The following SIM1 variants were observed in gnomAD, a reference collection of about 807,000 sequenced individuals.
The protein encoded by SIM1 is SIM bHLH transcription factor 1, also known as single-minded homolog 1.
A neutral mutation model predicts 78.2 loss-of-function variants in SIM1; 18 were observed. The observed-to-expected ratio is 0.23, with a 90% CI of 0.16 to 0.34. The LOEUF is 0.34. Ranked by LOEUF, SIM1 falls within the 10% of genes least tolerant of loss-of-function variation. SIM1 has a pLI of 1.00. For missense variants in SIM1, 939 were observed against 975.1 expected (o/e 0.96, Z 0.49); for synonymous variants, 417 against 385.2 (o/e 1.08, Z -0.97).
At chr6:100,452,564 A>AAG (rs887965435) in intron 3 of SIM1, among the ~76,000 whole-genome samples, 1 of 152,216 alleles carries the variant, frequency 6.6e-6, no homozygotes, top group African/African-American at 2.4e-5. Context: ...GGGCCATTGA[A>AAG]ATTGGGAATG....
intron 9 of SIM1, among the ~76,000 whole-genome samples, chr6:100,446,145 T>C (rs1287242523): frequency 6.6e-6 from 1 of 152,232 alleles, no homozygotes; most frequent in East Asian, 1.9e-4. Flanking sequence ...TAAATTTTTT[T>C]ATTAAACAAG....
At chr6:100,411,472 G>C (rs4145404) in intron 10 of SIM1, among the ~76,000 whole-genome samples, 4 of 152,048 alleles carry the variant, frequency 2.6e-5, no homozygotes, top group Non-Finnish European at 5.9e-5. Flanking sequence ...TGTGGCATTT[G>C]TCAGACCATC....
intron 10 of SIM1, among the ~76,000 whole-genome samples, chr6:100,412,595 GAAAGAAAGAAAGAAAGGAAAGAAA>G (rs1771233414): frequency 1.1e-5 from 1 of 89,258 alleles, no homozygotes; most frequent in African/African-American, 4.0e-5. Flanking sequence ...AAGAAAGAAA[GAAAGAAAGAAAGAAAGGAAAGAAA>G]GAAGGAAAGA....
intron 10 of SIM1, among the ~76,000 whole-genome samples, chr6:100,412,595 GAAAGAAAGAAAGA>G (rs1771233357): frequency 1.1e-5 from 1 of 89,258 alleles, no homozygotes; most frequent in Non-Finnish European, 2.4e-5. Context: ...AAGAAAGAAA[GAAAGAAAGAAAGA>G]AAGGAAAGAA....
chr6:100,443,617 T>C (rs934822488), intron 9 of SIM1, among the ~76,000 whole-genome samples: 2 of 152,084 alleles, frequency 1.3e-5, no homozygotes, highest in African/African-American at 2.4e-5. Context: ...TAGTGGCAGA[T>C]TGTTTTTAAC....
chr6:100,407,224 C>T (rs1771073547), intron 10 of SIM1, among the ~76,000 whole-genome samples: 1 of 151,924 alleles, frequency 6.6e-6, no homozygotes, highest in Non-Finnish European at 1.5e-5. Context: ...TGAAATCATA[C>T]AGTATTCGTC....
chr6:100,405,507 T>C lies in SIM1; in HGVS notation c.1168-11618A>G, dbSNP rs147872003. ...TATTTATTCACAAGATTTCCCCCCA[T>C]TATTTTATAATTTGATTCATTTATA... On this transcript the variant is annotated intron_variant, in intron 10 of 11. Transcript: ENST00000369208. 2.4e-3 allele frequency among the ~76,000 whole-genome samples: 361 copies of C among 152,226 alleles called. 2 individuals carry two copies. Among genetic ancestry groups the C allele is most frequent in the Non-Finnish European group, 3.5e-3 (235 of 67,990 alleles).
At chr6:100,438,328 G>A (rs1297956065) in intron 9 of SIM1, among the ~76,000 whole-genome samples, 2 of 152,180 alleles carry the variant, frequency 1.3e-5, no homozygotes, top group Admixed American at 6.5e-5. Context: ...CTCAAAAGAA[G>A]ATATACAAAC....
chr6:100,433,179 A>AT (rs1379740614), intron 9 of SIM1, among the ~76,000 whole-genome samples: 2 of 152,154 alleles, frequency 1.3e-5, no homozygotes, highest in Non-Finnish European at 2.9e-5. Flanking sequence ...ATCTTTTCTT[A>AT]TACAATCAGA....
intron 10 of SIM1, among the ~76,000 whole-genome samples, chr6:100,404,269 C>G (rs1485707057): frequency 6.6e-6 from 1 of 152,202 alleles, no homozygotes; most frequent in African/African-American, 2.4e-5. Flanking sequence ...TGGCAGCAAC[C>G]ACCCAGCCCA....
chr6:100,412,649 GAAAGAA>G (rs1771251164), intron 10 of SIM1, among the ~76,000 whole-genome samples: 1 of 103,814 alleles, frequency 9.6e-6, no homozygotes, highest in African/African-American at 3.6e-5. Context: ...AAGAAAGAAA[GAAAGAA>G]AGAGAGAGAG....
Position 100,447,459 on chromosome 6 carries a change from T to A in SIM1, c.851-44A>T, listed in dbSNP as rs1357723130. ...GCAGATGGTGGTGAACCAGCCTGCC[T>A]GGGACTGGCCCCAAATGCAATCCCT... On this transcript the variant is annotated intron_variant, in intron 8 of 11. Coordinates refer to ENST00000369208, the MANE Select transcript of SIM1 (RefSeq NM_005068.3). 7.4e-6 allele frequency: 12 copies of A among 1,612,238 alleles called. No homozygotes were observed. The East Asian group carries it at 2.7e-4, about 36-fold the overall frequency.
rs1393145588 is a variant in SIM1 at position 100,386,878 on chromosome 6, T to C, written c.*3483A>G. 6.6e-6 allele frequency: 1 copy of C among 152,100 alleles called. No homozygotes were observed. Among genetic ancestry groups the C allele is most frequent in the Non-Finnish European group, 1.5e-5 (1 of 67,946 alleles). The allele number at this position is 152,100 out of a possible 1,614,324, so 9.4% of individuals were successfully genotyped here. A position where few individuals can be genotyped will look rare whatever the true frequency, so the allele number is the denominator to read the frequency against. On this transcript the variant is annotated 3_prime_UTR_variant, in exon 12 of 12. Coordinates refer to ENST00000369208, the MANE Select transcript of SIM1 (RefSeq NM_005068.3). ...ACAGTTTAGGTAAGCGAGCACAATA[T>C]GACAAAAGACTTGTGGACCGAAGCA... is the stretch of plus-strand genomic sequence containing the variant.
At chr6:100,459,049 T>A (rs1015319951) in intron 2 of SIM1, among the ~76,000 whole-genome samples, 6 of 152,172 alleles carry the variant, frequency 3.9e-5, no homozygotes, top group Non-Finnish European at 7.4e-5. Context: ...TCATTCTGTG[T>A]CCACATTTGG....
rs989388440 is a variant in SIM1 at position 100,388,053 on chromosome 6, C to A, written c.*2308G>T. 1 of 152,098 alleles carries A rather than the reference C, an allele frequency of 6.6e-6. No homozygotes were observed. The highest frequency in any genetic ancestry group is 1.5e-5 in the Non-Finnish European group (1 of 67,998). The allele number at this position is 152,098 out of a possible 1,614,324, so 9.4% of individuals were successfully genotyped here. A position where few individuals can be genotyped will look rare whatever the true frequency, so the allele number is the denominator to read the frequency against. ...TACAAAACCTTTAGCATTCTTAAGA[C>A]ATTACTTCATGTTGCAAATTGATCA... On this transcript the variant is annotated 3_prime_UTR_variant, in exon 12 of 12. Coordinates refer to ENST00000369208, the MANE Select transcript of SIM1 (RefSeq NM_005068.3).
At chr6:100,413,091 G>A (rs180814706) in intron 10 of SIM1, among the ~76,000 whole-genome samples, 4 of 152,288 alleles carry the variant, frequency 2.6e-5, no homozygotes, top group African/African-American at 9.6e-5. Context: ...CACCACCACA[G>A]ATACCACACT....
chr6:100,406,281 G>A (rs1771048720), intron 10 of SIM1, among the ~76,000 whole-genome samples: 1 of 152,180 alleles, frequency 6.6e-6, no homozygotes, highest in South Asian at 2.1e-4. Flanking sequence ...CTCACTCTCT[G>A]ATTTTTCATA....
intron 10 of SIM1, among the ~76,000 whole-genome samples, chr6:100,405,987 T>A (rs540090423): frequency 8.5e-5 from 13 of 152,190 alleles, no homozygotes; most frequent in Non-Finnish European, 1.3e-4. Flanking sequence ...AAAGGTGATG[T>A]CTTAAAGACT....
chr6:100,442,761 GTAA>G (rs1279099195), intron 9 of SIM1, among the ~76,000 whole-genome samples: 2 of 151,698 alleles, frequency 1.3e-5, no homozygotes, highest in African/African-American at 2.4e-5. Context: ...AAAACTCCTA[GTAA>G]TAATAATAAT....
Sources: allele counts gnomAD v4.1 joint callset (sites outside exome capture counted in the v4.1 genomes callset), GRCh38; gene constraint gnomAD v4.1.1; transcripts MANE v1.5; gene names NCBI Gene and HGNC (gene_info 2026-07-23, HGNC 2026-07-21).